The following MORN1 variants were observed in gnomAD, a reference collection of about 807,000 sequenced individuals.
MORN1 encodes the protein MORN repeat containing 1.
A neutral mutation model predicts 61.9 loss-of-function variants in MORN1; 67 were observed. The ratio of observed to expected loss-of-function variants is 1.08; its 90% CI spans 0.89 to 1.33. The LOEUF is 1.33. Ranked by LOEUF, MORN1 falls within the 40% of genes most tolerant of loss-of-function variation. The pLI, the probability that MORN1 is intolerant of heterozygous loss-of-function variation, is 0.00. For synonymous variants in MORN1, 301 were observed against 292.0 expected (o/e 1.03, Z -0.31); for missense variants, 752 against 691.2 (o/e 1.09, Z -0.99).
intron 13 of MORN1, among the ~76,000 whole-genome samples, 183 bp from the exon 14 acceptor site, chr1:2,321,762 G>A (rs1378438362): frequency 6.6e-6 from 1 of 152,158 alleles, no homozygotes; most frequent in Admixed American, 6.5e-5. Flanking sequence ...CCGGTCCTGG[G>A]GGGCTGGACA....
At chr1:2,341,585 G>A (rs1048004105) in intron 10 of MORN1, among the ~76,000 whole-genome samples, 3 of 152,096 alleles carry the variant, frequency 2.0e-5, no homozygotes, top group African/African-American at 7.2e-5. Flanking sequence ...CAGCTACTCG[G>A]GAGGCTGAGG....
At chr1:2,351,694 CATTCTTTAGTTTCATCTTTCTGA>C in intron 10 of MORN1, 3 of 446,812 alleles carry the variant, frequency 6.7e-6, no homozygotes, top group South Asian at 5.7e-5. Flanking sequence ...GGTTGCTTCG[CATTCTTTAGTTTCATCTTTCTGA>C]ACTCATCACA....
intron 6 of MORN1, chr1:2,375,471 C>T (rs75230941): frequency 0.051 from 7,770 of 152,616 alleles, 323 homozygotes; most frequent in South Asian, 0.15. Flanking sequence ...AAGTGGATGG[C>T]GCTGGAGCTC....
At chr1:2,330,542 G>C (rs1641126749) in intron 12 of MORN1, among the ~76,000 whole-genome samples, 1 of 152,222 alleles carries the variant, frequency 6.6e-6, no homozygotes, top group Non-Finnish European at 1.5e-5. Context: ...GGGCTCGGTG[G>C]GCTGTGGAGC....
intron 6 of MORN1, among the ~76,000 whole-genome samples, chr1:2,382,930 G>C (rs1642405054): frequency 6.6e-6 from 1 of 152,170 alleles, no homozygotes; most frequent in Non-Finnish European, 1.5e-5. Flanking sequence ...AGCAGGGAGG[G>C]TGGACATGCA....
At chr1:2,324,669 G>A (rs995613011) in intron 12 of MORN1, among the ~76,000 whole-genome samples, 1 of 152,186 alleles carries the variant, frequency 6.6e-6, no homozygotes, top group East Asian at 1.9e-4. Flanking sequence ...AGGAGAGGTA[G>A]CAGTGAGGAT....
chr1:2,366,673 A>G (rs1381252164), intron 8 of MORN1, among the ~76,000 whole-genome samples: 2 of 151,924 alleles, frequency 1.3e-5, no homozygotes, highest in African/African-American at 4.8e-5. Flanking sequence ...ACAGGTGTGA[A>G]CCACCATGCC....
intron 10 of MORN1, among the ~76,000 whole-genome samples, chr1:2,353,081 G>C (rs1481409334): frequency 6.6e-6 from 1 of 152,252 alleles, no homozygotes; most frequent in African/African-American, 2.4e-5. Context: ...GGCCAGGCCA[G>C]AGGCTTCAAC....
chr1:2,363,855 C>A (rs1256814510), intron 8 of MORN1, among the ~76,000 whole-genome samples: 4 of 146,050 alleles, frequency 2.7e-5, no homozygotes, highest in African/African-American at 7.7e-5. Context: ...AAAATGGAAT[C>A]ATAAAAAATG....
intron 6 of MORN1, among the ~76,000 whole-genome samples, chr1:2,379,846 A>G (rs947313880): frequency 6.6e-6 from 1 of 152,202 alleles, no homozygotes; most frequent in African/African-American, 2.4e-5. Context: ...TTCCTCAAAA[A>G]TTAAAAACAG....
At chr1:2,324,261 G>C in intron 12 of MORN1, 118 bp from the exon 13 acceptor site, 2 of 1,066,596 alleles carry the variant, frequency 1.9e-6, no homozygotes, top group Non-Finnish European at 2.7e-6. Context: ...CAGCACAGCA[G>C]AGGCCTGCGA....
At chr1:2,355,688 C>T (rs116560297) in intron 10 of MORN1, among the ~76,000 whole-genome samples, 1,767 of 152,288 alleles carry the variant, frequency 0.012, 40 homozygotes, top group African/African-American at 0.04. Flanking sequence ...GAGTGCTGGC[C>T]GCTGAGAGGG....
intron 6 of MORN1, among the ~76,000 whole-genome samples, chr1:2,380,896 G>A (rs547224500): frequency 5.3e-5 from 8 of 152,280 alleles, no homozygotes; most frequent in South Asian, 4.1e-4. Flanking sequence ...TTTGACTAAT[G>A]ACACCACAAG....
Position 2,362,733 on chromosome 1 carries a change from G to A in MORN1, c.746-4018C>T, listed in dbSNP as rs568346761. On this transcript the variant is annotated intron_variant, in intron 8 of 13. Coordinates refer to ENST00000378531, the MANE Select transcript of MORN1 (RefSeq NM_024848.3). ...AAAAAAATTAGCTGGGTGTGGTGGC[G>A]GGCGCCTGTAATCCCAGCTACTTGG... Among the ~76,000 whole-genome samples the A allele has an allele frequency of 2.6e-5, 4 of 152,142 alleles. No homozygotes were observed. In the South Asian group the frequency reaches 6.2e-4, roughly 24 times the overall value.
chr1:2,324,356 C>T (rs1306566203), intron 12 of MORN1, among the ~76,000 whole-genome samples: 2 of 152,194 alleles, frequency 1.3e-5, no homozygotes, highest in Admixed American at 1.3e-4. Context: ...CCGTGGGCTG[C>T]CCTGTGCAAA....
chr1:2,329,796 C>G (rs546957629), intron 12 of MORN1, among the ~76,000 whole-genome samples: 1 of 152,260 alleles, frequency 6.6e-6, no homozygotes, highest in East Asian at 1.9e-4. Context: ...CAAGGCCCCA[C>G]TGGGCTGGGC....
In MORN1 at chr1:2,372,673, C is replaced by G; in HGVS notation, c.635-82G>C. The G allele has an allele frequency of 9.3e-7, 1 of 1,070,464 alleles. No individual in the cohort carries two copies. Among genetic ancestry groups the G allele is most frequent in the Non-Finnish European group, 1.4e-6 (1 of 728,628 alleles). 66.3% of individuals were successfully genotyped at this position (1,070,464 alleles called of 1,614,324 possible). Reference sequence around the variant, plus strand: ...CATGGCTGAGTCAGCAGTGGGCACCCCAGGAACCGACCAGAGCCCAGTGTG... The same window carrying G: ...CATGGCTGAGTCAGCAGTGGGCACCGCAGGAACCGACCAGAGCCCAGTGTG... On this transcript the variant is annotated intron_variant, in intron 7 of 13. Coordinates refer to ENST00000378531, the MANE Select transcript of MORN1 (RefSeq NM_024848.3). The surrounding 1 kb of genome is among the most constrained non-coding windows in gnomAD (Gnocchi z 5.4).
In MORN1 at chr1:2,337,713, GCCCCCCACTTGCACACAC is replaced by G. The variant is rs1641310222; in HGVS notation, c.1037-881_1037-864del. The stretch of plus-strand genomic sequence containing the variant: ...CTGTCCTGACACCGCTGCCCCGAGG[GCCCCCCACTTGCACACAC>G]CACTGGGAGGAGGTGCTAGCAGGAG... On this transcript the variant is annotated intron_variant, in intron 10 of 13. Coordinates refer to ENST00000378531, the MANE Select transcript of MORN1 (RefSeq NM_024848.3). The surrounding 1 kb of genome is among the most constrained non-coding windows in gnomAD (Gnocchi z 5.7). 6.6e-6 allele frequency among the ~76,000 whole-genome samples: 1 copy of G among 152,160 alleles called. No homozygotes were observed. Among genetic ancestry groups the G allele is most frequent in the Non-Finnish European group, 1.5e-5 (1 of 68,020 alleles).
Position 2,321,257 on chromosome 1 carries a change from C to T in MORN1, c.*126G>A, listed in dbSNP as rs950904368. The stretch of plus-strand genomic sequence containing the variant: ...CCCAAGGAGCAGTGCCCTCCATAGC[C>T]GCCACTGAGCATTTTATTCAAGCCA... On this transcript the variant is annotated 3_prime_UTR_variant, in exon 14 of 14. Coordinates refer to ENST00000378531, the MANE Select transcript of MORN1 (RefSeq NM_024848.3). 1.8e-5 allele frequency: 13 copies of T among 736,288 alleles called. No homozygotes were observed. Among genetic ancestry groups the T allele is most frequent in the Admixed American group, 6.4e-5 (2 of 31,224 alleles). The allele number at this position is 736,288 out of a possible 1,614,324, so 45.6% of individuals were successfully genotyped here.
Sources: allele counts gnomAD v4.1 joint callset (sites outside exome capture counted in the v4.1 genomes callset), GRCh38; gene constraint gnomAD v4.1.1; non-coding constraint Gnocchi (gnomAD v3.1); transcripts MANE v1.5; gene names NCBI Gene and HGNC (gene_info 2026-07-23, HGNC 2026-07-21).